Variants in HDAC4 observed in about 807,000 individuals in gnomAD.
HDAC4 encodes histone deacetylase A.
HDAC4 carries 16 observed loss-of-function variants against 135.1 expected under a neutral mutation model. The ratio of observed to expected loss-of-function variants is 0.12; its 90% CI spans 0.08 to 0.18. The LOEUF (loss-of-function observed/expected upper bound fraction) is 0.18. Among genes scored for constraint, HDAC4 ranks in the 10% least tolerant of loss-of-function variants. The pLI, the probability that HDAC4 is intolerant of heterozygous loss-of-function variation, is 1.00. For missense variants in HDAC4, 1,143 were observed against 1,511.8 expected, an observed-to-expected ratio of 0.76 and a Z score of 4.05; for synonymous variants, 685 against 653.4, an observed-to-expected ratio of 1.05 and a Z score of -0.74.
chr2:239,071,402 C>T (rs2152627420), intron 22 of HDAC4, among the ~76,000 whole-genome samples: 1 of 152,066 alleles, frequency 6.6e-6, no homozygotes, highest in Middle Eastern at 3.4e-3. Context: ...CTGATAAGAG[C>T]AAAACTCCAC....
At chr2:239,154,474 C>T (rs774710283) in intron 7 of HDAC4, 2 of 152,386 alleles carry the variant, frequency 1.3e-5, no homozygotes, top group East Asian at 1.9e-4. Flanking sequence ...ATCCAACCCA[C>T]AGCACTTGAT....
At chr2:239,103,292 G>T (rs1029464761) in intron 15 of HDAC4, among the ~76,000 whole-genome samples, 1 of 152,024 alleles carries the variant, frequency 6.6e-6, no homozygotes, top group Admixed American at 6.5e-5. Context: ...CCGCGCTCCC[G>T]GAGTCTCTGA....
chr2:239,298,196 C>T, intron 2 of HDAC4: 2 of 1,288,964 alleles, frequency 1.6e-6, no homozygotes, highest in Non-Finnish European at 2.0e-6. Context: ...GCTCAGGGAA[C>T]AGCAGAGGCC....
intron 1 of HDAC4, among the ~76,000 whole-genome samples, chr2:239,371,484 CACAA>C (rs572045185): frequency 1.3e-5 from 2 of 152,172 alleles, no homozygotes; most frequent in Non-Finnish European, 2.9e-5. Flanking sequence ...CACACACTAA[CACAA>C]ACACACAAAC....
chr2:239,151,799 T>C (rs1388780271), intron 7 of HDAC4, among the ~76,000 whole-genome samples: 1 of 152,188 alleles, frequency 6.6e-6, no homozygotes, highest in Non-Finnish European at 1.5e-5. Context: ...GGACAATCCA[T>C]GGCAGTGCCA....
intron 14 of HDAC4, among the ~76,000 whole-genome samples, chr2:239,109,489 T>C (rs1288226820): frequency 6.6e-6 from 1 of 152,112 alleles, no homozygotes; most frequent in Non-Finnish European, 1.5e-5. Flanking sequence ...ACTTGGTGCA[T>C]ATTAGTTCCC....
At chr2:239,090,431 CTTTTT>C (rs76486832) in intron 17 of HDAC4, among the ~76,000 whole-genome samples, 9 of 132,606 alleles carry the variant, frequency 6.8e-5, no homozygotes, top group African/African-American at 2.0e-4. Context: ...GATCTATTTC[CTTTTT>C]TTTTTTTTTT....
At chr2:239,304,061 G>A (rs555383219) in intron 2 of HDAC4, among the ~76,000 whole-genome samples, 1 of 152,354 alleles carries the variant, frequency 6.6e-6, no homozygotes, top group South Asian at 2.1e-4. Flanking sequence ...AGACCCCTGT[G>A]TGCAGGCCCA....
intron 2 of HDAC4, among the ~76,000 whole-genome samples, chr2:239,315,892 T>C (rs1026177871): frequency 2.0e-5 from 3 of 152,158 alleles, no homozygotes; most frequent in South Asian, 2.1e-4. Context: ...GTAAGTTTGA[T>C]ACATGGAGGA....
intron 1 of HDAC4, among the ~76,000 whole-genome samples, chr2:239,360,408 A>G (rs1165189104): frequency 6.6e-6 from 1 of 152,142 alleles, no homozygotes; most frequent in Non-Finnish European, 1.5e-5. Context: ...AGTAGCTCCA[A>G]CAGCCACAGA....
rs1482545089 is a variant in HDAC4 at position 239,144,857 on chromosome 2, AG to A, written c.734-144del. ...TGTTGCTGCAGGGGAGAGCGCAGGG[AG>A]CTCACGAAGCAGGGGATTCTAAATC... On this transcript the variant is annotated intron_variant, in intron 7 of 26. Transcript: ENST00000543185. 3.8e-6 allele frequency: 3 copies of A among 796,320 alleles called. No homozygotes were observed. In the Admixed American group the frequency reaches 6.1e-5, roughly 16 times the overall value. 49.3% of individuals were successfully genotyped at this position (796,320 alleles called of 1,614,324 possible).
chr2:239,364,252 G>C (rs901418132), intron 1 of HDAC4, among the ~76,000 whole-genome samples: 2 of 152,186 alleles, frequency 1.3e-5, no homozygotes, highest in East Asian at 1.9e-4. Context: ...AGCATTATCT[G>C]TAACAGTCAA....
At chr2:239,081,263 C>A in intron 21 of HDAC4, 71 bp from the exon 22 acceptor site, 1 of 1,317,572 alleles carries the variant, frequency 7.6e-7, no homozygotes, top group Non-Finnish European at 1.1e-6. Context: ...ACGCCTGATG[C>A]AGGTGGCACC....
chr2:239,162,273 G>A (rs1041814884), intron 6 of HDAC4: 27 of 456,606 alleles, frequency 5.9e-5, no homozygotes, highest in South Asian at 1.5e-4. Context: ...GACCCAAGGC[G>A]GCCCTGCCCT....
At chr2:239,150,789 C>T (rs554060962) in intron 7 of HDAC4, among the ~76,000 whole-genome samples, 1 of 151,146 alleles carries the variant, frequency 6.6e-6, no homozygotes, top group African/African-American at 2.4e-5. Context: ...CACTACGCTG[C>T]ACCTCCTGAA....
At chr2:239,236,689 T>C (rs370991742) in intron 2 of HDAC4, 25 bp from the exon 3 acceptor site, 1 of 1,536,966 alleles carries the variant, frequency 6.5e-7, no homozygotes, top group African/African-American at 1.4e-5. Flanking sequence ...AGGCACTGGC[T>C]TCAGAAACTG....
At chr2:239,202,668 G>C (rs910222466) in intron 3 of HDAC4, among the ~76,000 whole-genome samples, 4 of 152,112 alleles carry the variant, frequency 2.6e-5, no homozygotes, top group Non-Finnish European at 4.4e-5. Context: ...GGCGGTGGCA[G>C]GGCCATGCAA....
chr2:239,134,096 A>G (rs1166830791), intron 11 of HDAC4, 149 bp downstream of exon 11: 4 of 691,316 alleles, frequency 5.8e-6, no homozygotes, highest in African/African-American at 1.8e-5. Flanking sequence ...CACGGTGGCT[A>G]CATCACGTGA....
chr2:239,366,140 C>T (rs1002412886), intron 1 of HDAC4, among the ~76,000 whole-genome samples: 1 of 150,890 alleles, frequency 6.6e-6, no homozygotes, highest in South Asian at 2.1e-4. Flanking sequence ...CACAAACACG[C>T]ATGCACAGAG....
Sources: allele counts gnomAD v4.1 joint callset (sites outside exome capture counted in the v4.1 genomes callset), GRCh38; gene constraint gnomAD v4.1.1; transcripts MANE v1.5; gene names NCBI Gene and HGNC (gene_info 2026-07-23, HGNC 2026-07-21).